NAV2: variants seen among roughly 807,000 people sequenced by gnomAD.
NAV2 encodes the protein neuron navigator 2, also known as helicase, APC down-regulated 1.
A neutral mutation model predicts 223.2 loss-of-function variants in NAV2; 54 were observed. The observed-to-expected ratio is 0.24, with a 90% confidence interval of 0.19 to 0.30. NAV2 has a LOEUF of 0.30. NAV2 is among the 10% of genes least tolerant of loss of function. The pLI is 1.00. For synonymous variants in NAV2, 1,279 were observed against 1,239.3 expected, an observed-to-expected ratio of 1.03 and a Z score of -0.67; for missense variants, 2,806 against 3,147.5, an observed-to-expected ratio of 0.89 and a Z score of 2.60.
intron 10 of NAV2, among the ~76,000 whole-genome samples, chr11:19,983,497 A>G (rs137907342): frequency 6.6e-6 from 1 of 152,196 alleles, no homozygotes; most frequent in African/African-American, 2.4e-5. Context: ...ATAGCCTTAC[A>G]CAAATTTCAG....
intron 1 of NAV2, among the ~76,000 whole-genome samples, chr11:19,607,825 C>T (rs753063739): frequency 4.0e-5 from 6 of 151,572 alleles, no homozygotes; most frequent in East Asian, 2.0e-4. Flanking sequence ...CATGTCCTTT[C>T]GAAACATTTC....
At chr11:19,517,062 T>A (rs2702751) in intron 1 of NAV2, among the ~76,000 whole-genome samples, 6,241 of 144,946 alleles carry the variant, frequency 0.043, 459 homozygotes, top group African/African-American at 0.15. Flanking sequence ...AAAAAAATAA[T>A]AATACGATGA....
intron 3 of NAV2, among the ~76,000 whole-genome samples, chr11:19,863,090 G>A (rs1399620114): frequency 1.3e-5 from 2 of 152,128 alleles, no homozygotes; most frequent in African/African-American, 4.8e-5. Context: ...GCCACTGTTT[G>A]ACCCATCCCC....
chr11:19,553,714 C>T (rs1304925863), intron 1 of NAV2, among the ~76,000 whole-genome samples: 2 of 152,228 alleles, frequency 1.3e-5, no homozygotes, highest in Non-Finnish European at 2.9e-5. Flanking sequence ...CTTGGCATTG[C>T]CGAGATTGAA....
intron 1 of NAV2, among the ~76,000 whole-genome samples, chr11:19,696,830 T>C (rs2049356918): frequency 1.3e-5 from 2 of 152,220 alleles, no homozygotes; most frequent in Admixed American, 1.3e-4. Flanking sequence ...GATTCAGTGG[T>C]TCCTAACCCT....
chr11:20,002,681 C>G (rs1010636976), intron 11 of NAV2, among the ~76,000 whole-genome samples: 1 of 152,110 alleles, frequency 6.6e-6, no homozygotes. Context: ...TCGTTGAAGG[C>G]CAACCACTTG....
intron 1 of NAV2, among the ~76,000 whole-genome samples, chr11:19,467,537 G>A (rs1852411781): frequency 6.6e-6 from 1 of 152,258 alleles, no homozygotes; most frequent in South Asian, 2.1e-4. Context: ...TCACATCCTG[G>A]ATGGACAGAT....
At chr11:20,078,836 A>T (rs994078039) in intron 24 of NAV2, among the ~76,000 whole-genome samples, 5 of 152,332 alleles carry the variant, frequency 3.3e-5, no homozygotes, top group Non-Finnish European at 7.3e-5. Context: ...CTTAGCTCTT[A>T]TAACAATAAT....
chr11:19,362,277 A>G (rs1202358398), intron 1 of NAV2, among the ~76,000 whole-genome samples: 1 of 152,162 alleles, frequency 6.6e-6, no homozygotes, highest in Non-Finnish European at 1.5e-5. Flanking sequence ...AGCCTGTGCC[A>G]TTTTCCATCA....
At chr11:19,397,336 G>A (rs1396763775) in intron 1 of NAV2, among the ~76,000 whole-genome samples, 1 of 152,050 alleles carries the variant, frequency 6.6e-6, no homozygotes, top group Admixed American at 6.6e-5. Flanking sequence ...GGAGGGACAC[G>A]AGTCAGGACT....
At chr11:19,797,783 C>T (rs1460000544) in intron 1 of NAV2, among the ~76,000 whole-genome samples, 1 of 152,114 alleles carries the variant, frequency 6.6e-6, no homozygotes, top group African/African-American at 2.4e-5. Context: ...CTTCCCTGGG[C>T]ACCAGTTTTC....
chr11:20,077,201 T>G (rs2059812472), intron 22 of NAV2, among the ~76,000 whole-genome samples: 1 of 152,060 alleles, frequency 6.6e-6, no homozygotes. Context: ...AGTTTGCTTG[T>G]GAGAGTGCAT....
chr11:19,375,374 C>T (rs1848607225), intron 1 of NAV2, among the ~76,000 whole-genome samples: 1 of 152,178 alleles, frequency 6.6e-6, no homozygotes, highest in Admixed American at 6.5e-5. Context: ...AACAAGAGAC[C>T]AGTCAGTGAG....
intron 1 of NAV2, among the ~76,000 whole-genome samples, chr11:19,732,146 C>A (rs1046137308): frequency 3.9e-5 from 6 of 151,954 alleles, no homozygotes; most frequent in Non-Finnish European, 7.4e-5. Context: ...AGTCTCCCTG[C>A]TACTCGGGAG....
At chr11:19,627,789 C>G (rs73422457) in intron 1 of NAV2, among the ~76,000 whole-genome samples, 1 of 151,794 alleles carries the variant, frequency 6.6e-6, no homozygotes, top group Admixed American at 6.6e-5. Flanking sequence ...GGTTGGGCCC[C>G]GCCTGCAAAG....
At chr11:19,595,697 C>T (rs1210094206) in intron 1 of NAV2, among the ~76,000 whole-genome samples, 1 of 151,106 alleles carries the variant, frequency 6.6e-6, no homozygotes, top group African/African-American at 2.4e-5. Flanking sequence ...GCTGGGACCA[C>T]AGACACACCA....
chr11:19,489,843 A>G (rs550079880), intron 1 of NAV2, among the ~76,000 whole-genome samples: 9 of 152,296 alleles, frequency 5.9e-5, no homozygotes, highest in Admixed American at 1.3e-4. Context: ...CGGGATCCAC[A>G]GGAGGCTGGG....
intron 20 of NAV2, among the ~76,000 whole-genome samples, chr11:20,067,664 T>C (rs1193996134): frequency 7.1e-6 from 1 of 140,074 alleles, no homozygotes; most frequent in African/African-American, 2.7e-5. Context: ...TTTTTTTTTG[T>C]ATTTTTAGTA....
chr11:19,613,508 A>G (rs939870320), intron 1 of NAV2, among the ~76,000 whole-genome samples: 5 of 152,104 alleles, frequency 3.3e-5, no homozygotes, highest in African/African-American at 1.2e-4. Context: ...TGGTTGAGGA[A>G]GCAGCCATCT....
Sources: allele counts gnomAD v4.1 joint callset (sites outside exome capture counted in the v4.1 genomes callset), GRCh38; gene constraint gnomAD v4.1.1; transcripts MANE v1.5; gene names NCBI Gene and HGNC (gene_info 2026-07-23, HGNC 2026-07-21).